The following RTN1 variants were observed in gnomAD, a reference collection of about 807,000 sequenced individuals.
The protein encoded by RTN1 is reticulon-1.
RTN1 carries 25 observed loss-of-function variants against 65.5 expected under a neutral mutation model. The ratio of observed to expected loss-of-function variants is 0.38; its 90% CI spans 0.28 to 0.53. The LOEUF (loss-of-function observed/expected upper bound fraction) is 0.53, where lower values mean the gene tolerates loss of function less well. Among genes scored for constraint, RTN1 ranks in the 20% least tolerant of loss-of-function variants. The probability of loss-of-function intolerance (pLI) is 0.79; values close to 1 mark genes in which losing one functional copy is unlikely to be tolerated. For missense variants in RTN1, 983 were observed against 1,025.4 expected, an observed-to-expected ratio of 0.96 and a Z score of 0.57; for synonymous variants, 471 against 447.6, an observed-to-expected ratio of 1.05 and a Z score of -0.66.
chr14:59,706,571 T>C (rs1005455498), intron 3 of RTN1, among the ~76,000 whole-genome samples: 5 of 150,926 alleles, frequency 3.3e-5, no homozygotes, highest in African/African-American at 4.9e-5. Flanking sequence ...TTGCCTAATA[T>C]TTGATTCCTG....
In RTN1 at chr14:59,825,298, G is replaced by C. The variant is rs976463225; in HGVS notation, c.241+45092C>G. ...GCTGAGAACCTTAGCTCACCATCTT[G>C]TATCTGACCTCTGGGTTACCTGGTC... On this transcript the variant is annotated intron_variant, in intron 1 of 8. Transcript: ENST00000267484. The surrounding 1 kb of genome is among the most constrained non-coding windows in gnomAD (Gnocchi z 4.2). Among the ~76,000 whole-genome samples the C allele has an allele frequency of 1.3e-5, 2 of 152,138 alleles. No homozygotes were observed. The highest frequency in any genetic ancestry group is 2.9e-5 in the Non-Finnish European group (2 of 68,024).
At chr14:59,859,903 T>C (rs1395942207) in intron 1 of RTN1, among the ~76,000 whole-genome samples, 1 of 152,214 alleles carries the variant, frequency 6.6e-6, no homozygotes, top group Admixed American at 6.5e-5. Context: ...AAGAAACTTC[T>C]AAGCAGCAAA....
intron 3 of RTN1, among the ~76,000 whole-genome samples, chr14:59,614,129 G>T (rs1882039817): frequency 6.6e-6 from 1 of 152,160 alleles, no homozygotes; most frequent in Non-Finnish European, 1.5e-5. Flanking sequence ...TTACAAAATG[G>T]GCTGATTGGC....
chr14:59,720,031 C>A (rs926586534), intron 3 of RTN1, among the ~76,000 whole-genome samples: 1 of 152,106 alleles, frequency 6.6e-6, no homozygotes, highest in African/African-American at 2.4e-5. Flanking sequence ...CTACTGCATG[C>A]CCAAACCAAA....
intron 1 of RTN1, among the ~76,000 whole-genome samples, chr14:59,819,408 ACCACC>A (rs1886885971): frequency 5.3e-5 from 1 of 18,758 alleles, no homozygotes; most frequent in Non-Finnish European, 8.9e-5. Flanking sequence ...CATCCACACC[ACCACC>A]ACCCCCCCCC....
At chr14:59,698,391 A>T (rs1430147753) in intron 3 of RTN1, among the ~76,000 whole-genome samples, 1 of 152,112 alleles carries the variant, frequency 6.6e-6, no homozygotes, top group African/African-American at 2.4e-5. Flanking sequence ...CCATTTTTCA[A>T]TAGATTACAA....
At chr14:59,750,495 T>TTATATCTATAATATATATAA (rs1566713952) in intron 1 of RTN1, among the ~76,000 whole-genome samples, 1 of 26,882 alleles carries the variant, frequency 3.7e-5, no homozygotes, top group Non-Finnish European at 7.5e-5. Flanking sequence ...AATATATATA[T>TTATATCTATAATATATATAA]TATATCTATA....
At chr14:59,728,770 T>A (rs375576941) in intron 2 of RTN1, among the ~76,000 whole-genome samples, 14 of 152,226 alleles carry the variant, frequency 9.2e-5, no homozygotes, top group African/African-American at 2.9e-4. Flanking sequence ...TGAATCAGAA[T>A]TGATTTTATT....
intron 1 of RTN1, among the ~76,000 whole-genome samples, chr14:59,843,013 G>C (rs1367562786): frequency 6.6e-6 from 1 of 152,092 alleles, no homozygotes; most frequent in Non-Finnish European, 1.5e-5. Flanking sequence ...GTTTCCACAG[G>C]TTCACAAAAT....
intron 1 of RTN1, among the ~76,000 whole-genome samples, chr14:59,813,942 G>T (rs529217249): frequency 1.4e-4 from 21 of 152,244 alleles, no homozygotes; most frequent in Admixed American, 3.3e-4. Context: ...AATTGATGAG[G>T]AGATAAAACA....
chr14:59,689,719 G>A (rs72716151), intron 3 of RTN1, among the ~76,000 whole-genome samples: 234 of 152,112 alleles, frequency 1.5e-3, no homozygotes, highest in Middle Eastern at 0.014. Context: ...AGCTTCATAA[G>A]TGAAGGAGAG....
intron 3 of RTN1, among the ~76,000 whole-genome samples, chr14:59,625,389 T>C (rs565621035): frequency 6.6e-6 from 1 of 152,184 alleles, no homozygotes; most frequent in Non-Finnish European, 1.5e-5. Context: ...AACTGCAACA[T>C]GTAACTAAAA....
chr14:59,671,171 C>T (rs527509343), intron 3 of RTN1, among the ~76,000 whole-genome samples: 1 of 152,000 alleles, frequency 6.6e-6, no homozygotes, highest in Non-Finnish European at 1.5e-5. Context: ...TGTAAAGACA[C>T]ATCAAAAAGT....
At chr14:59,842,200 G>A (rs1887327080) in intron 1 of RTN1, among the ~76,000 whole-genome samples, 1 of 151,552 alleles carries the variant, frequency 6.6e-6, no homozygotes, top group African/African-American at 2.4e-5. Context: ...AGGAGTGTTA[G>A]CATAATTTTA....
chr14:59,725,646 A>G (rs916774350), intron 3 of RTN1, among the ~76,000 whole-genome samples: 2 of 152,170 alleles, frequency 1.3e-5, no homozygotes, highest in Admixed American at 1.3e-4. Flanking sequence ...GGAAGTCAAG[A>G]GTCAATTATA....
In RTN1 at chr14:59,870,264, C is replaced by A; in HGVS notation, c.241+126G>T. 1.1e-6 allele frequency: 1 copy of A among 946,094 alleles called. No individual in the cohort carries two copies. Among genetic ancestry groups the A allele is most frequent in the African/African-American group, 1.7e-5 (1 of 58,634 alleles). 58.6% of individuals were successfully genotyped at this position (946,094 alleles called of 1,614,324 possible). A position where few individuals can be genotyped will look rare whatever the true frequency, so the allele number is the denominator to read the frequency against. ...ATATTCCCAGTCGCCCGTGGCGACG[C>A]GGGGGTGGGGTCGGCGCTCAAGGCA... On this transcript the variant is annotated intron_variant, in intron 1 of 8. Transcript: ENST00000267484. The surrounding 1 kb of genome is among the most constrained non-coding windows in gnomAD (Gnocchi z 5.1).
rs145002893 is a variant in RTN1 at position 59,600,005 on chromosome 14, G to A, written c.2288+3060C>T. ...TTTCTTATTATGGTCTCACTTACTCGAAGCTTTAATTTCCTCTACAGTGTT... is the reference window on the plus strand; with the variant it reads ...TTTCTTATTATGGTCTCACTTACTCAAAGCTTTAATTTCCTCTACAGTGTT... On this transcript the variant is annotated intron_variant, in intron 8 of 8. Coordinates refer to ENST00000267484, the MANE Select transcript of RTN1 (RefSeq NM_021136.3). Among the ~76,000 whole-genome samples, 1,152 of 152,218 alleles carry A rather than the reference G, an allele frequency of 7.6e-3. 9 individuals carry two copies. The highest frequency in any genetic ancestry group is 0.026 in the African/African-American group (1,088 of 41,514).
rs1305792912 is a variant in RTN1, at chr14:59,632,906, G to T, written c.1766-25414C>A. On this transcript the variant is annotated intron_variant, in intron 3 of 8. Coordinates refer to ENST00000267484, the MANE Select transcript of RTN1 (RefSeq NM_021136.3). ...AGCCAGGAGCTCAAGACCAGCCTGG[G>T]CAACATGGTGAAACCCCATCTCTAA... is the stretch of plus-strand genomic sequence containing the variant. Among the ~76,000 whole-genome samples, 3 of 152,090 alleles carry T rather than the reference G, an allele frequency of 2.0e-5. No homozygotes were observed. In the East Asian group the frequency reaches 5.8e-4, roughly 29 times the overall value.
At chr14:59,753,790 C>T (rs372859915) in intron 1 of RTN1, among the ~76,000 whole-genome samples, 5 of 152,318 alleles carry the variant, frequency 3.3e-5, no homozygotes, top group South Asian at 4.1e-4. Context: ...TAGGAACTCA[C>T]ATTGCCATAT....
Sources: allele counts gnomAD v4.1 joint callset (sites outside exome capture counted in the v4.1 genomes callset), GRCh38; gene constraint gnomAD v4.1.1; non-coding constraint Gnocchi (gnomAD v3.1); transcripts MANE v1.5; gene names NCBI Gene and HGNC (gene_info 2026-07-23, HGNC 2026-07-21).